BIVM: variants seen among roughly 807,000 people sequenced by gnomAD.
BIVM encodes basic, immunoglobulin-like variable motif containing, also known as basic immunoglobulin-like variable motif-containing protein.
BIVM carries 31 observed loss-of-function variants against 61.4 expected under a neutral mutation model. The ratio of observed to expected loss-of-function variants is 0.51; its 90% CI spans 0.38 to 0.68. The LOEUF is 0.68. BIVM is among the 30% of genes least tolerant of loss of function. The pLI is 0.00. For missense variants in BIVM, 526 were observed against 596.0 expected (o/e 0.88, Z 1.22); for synonymous variants, 189 against 210.7 (o/e 0.90, Z 0.89).
intron 7 of BIVM, among the ~76,000 whole-genome samples, chr13:102,824,950 A>ATTAATT (rs58236818): frequency 0.014 from 2,084 of 147,720 alleles, 30 homozygotes; most frequent in African/African-American, 0.039. Context: ...TAATTAATTA[A>ATTAATT]TTTTTTTTTT....
Position 102,807,885 on chromosome 13 carries a change from G to A in BIVM, c.478+140G>A, listed in dbSNP as rs2139151631. On this transcript the variant is annotated intron_variant, in intron 3 of 10. Coordinates refer to ENST00000257336, the MANE Select transcript of BIVM (RefSeq NM_017693.4). This position sits in a 1 kb window ranked among gnomAD's most constrained non-coding sequence, Gnocchi z 4.0. ...GGCTATCATCTTGTCTGTCAATGTA[G>A]TTTTAGGAAAGTAACCTTGACGTAG... 9.7e-7 allele frequency: 1 copy of A among 1,032,606 alleles called. No homozygotes were observed. Among genetic ancestry groups the A allele is most frequent in the Non-Finnish European group, 1.4e-6 (1 of 735,726 alleles). The allele number at this position is 1,032,606 out of a possible 1,614,324, so 64.0% of individuals were successfully genotyped here.
chr13:102,836,930 A>T (rs920813090), intron 9 of BIVM, among the ~76,000 whole-genome samples: 5 of 152,288 alleles, frequency 3.3e-5, no homozygotes, highest in African/African-American at 1.2e-4. Context: ...TTTCCATAAA[A>T]ATTTTAGAAT....
At chr13:102,810,254 C>T (rs1008174374) in intron 3 of BIVM, among the ~76,000 whole-genome samples, 1 of 152,078 alleles carries the variant, frequency 6.6e-6, no homozygotes, top group Non-Finnish European at 1.5e-5. Flanking sequence ...TATTTATAGC[C>T]ACCCCTGCTC....
chr13:102,810,121 C>T (rs1879399382), intron 3 of BIVM, among the ~76,000 whole-genome samples: 2 of 152,102 alleles, frequency 1.3e-5, no homozygotes, highest in Admixed American at 6.5e-5. Context: ...AACAATAAAT[C>T]CTCATTCCTT....
At chr13:102,827,137 T>G (rs1022927966) in intron 7 of BIVM, among the ~76,000 whole-genome samples, 6 of 152,132 alleles carry the variant, frequency 3.9e-5, no homozygotes, top group African/African-American at 1.4e-4. Context: ...CTTTTGAATA[T>G]CTGTACTTTA....
intron 7 of BIVM, among the ~76,000 whole-genome samples, chr13:102,831,241 C>T (rs1881046125): frequency 1.3e-5 from 2 of 152,148 alleles, no homozygotes; most frequent in African/African-American, 2.4e-5. Flanking sequence ...CTGTGTACAA[C>T]CAGAAAAGTT....
intron 3 of BIVM, among the ~76,000 whole-genome samples, chr13:102,808,425 A>T (rs541023940): frequency 1.3e-5 from 2 of 152,336 alleles, no homozygotes; most frequent in African/African-American, 4.8e-5. Flanking sequence ...GAAGTTGCAG[A>T]GTTAATAAGA....
chr13:102,824,162 C>T lies in BIVM; in HGVS notation c.901+2003C>T, dbSNP rs530701888. 2.6e-5 allele frequency among the ~76,000 whole-genome samples: 4 copies of T among 152,258 alleles called. No homozygotes were observed. The South Asian group carries it at 8.3e-4, about 32-fold the overall frequency. ...TAAAATGTCTGCCAATGACATTTTGCACCCTGTAAACTGAATACATAGCAG... is the reference window on the plus strand; with the variant it reads ...TAAAATGTCTGCCAATGACATTTTGTACCCTGTAAACTGAATACATAGCAG... On this transcript the variant is annotated intron_variant, in intron 7 of 10. Coordinates refer to ENST00000257336, the MANE Select transcript of BIVM (RefSeq NM_017693.4).
intron 1 of BIVM, among the ~76,000 whole-genome samples, chr13:102,802,982 T>C (rs141561145): frequency 1.8e-4 from 28 of 152,044 alleles, no homozygotes; most frequent in African/African-American, 6.8e-4. Flanking sequence ...ACCCCCAACT[T>C]TTGTGCTTAA....
intron 9 of BIVM, among the ~76,000 whole-genome samples, chr13:102,838,277 G>A (rs1404832860): frequency 6.6e-6 from 1 of 152,170 alleles, no homozygotes; most frequent in Non-Finnish European, 1.5e-5. Context: ...GCACAATTGT[G>A]TTGTCTCCTA....
chr13:102,821,864 A>G lies in BIVM; in HGVS notation c.806+17A>G. On this transcript the variant is annotated intron_variant, in intron 6 of 10. Transcript: ENST00000257336. Reference sequence around the variant, plus strand: ...ACTTATGAGGTATGAAGACCCTCTTAGAGGCAATATCGTGTTTCTAGTTTT... The same window carrying G: ...ACTTATGAGGTATGAAGACCCTCTTGGAGGCAATATCGTGTTTCTAGTTTT... The G allele has an allele frequency of 6.2e-7, 1 of 1,607,280 alleles. No homozygotes were observed. Among genetic ancestry groups the G allele is most frequent in the Non-Finnish European group, 8.5e-7 (1 of 1,177,114 alleles).
chr13:102,822,348 T>C (rs1168346051), intron 7 of BIVM, among the ~76,000 whole-genome samples, 189 bp downstream of exon 7: 1 of 152,270 alleles, frequency 6.6e-6, no homozygotes, highest in East Asian at 1.9e-4. Flanking sequence ...TTTAATATTT[T>C]ACCTCTTCTA....
At chr13:102,831,838 G>C in intron 8 of BIVM, 141 bp downstream of exon 8, 2 of 733,904 alleles carry the variant, frequency 2.7e-6, no homozygotes, top group Non-Finnish European at 3.9e-6. Flanking sequence ...GACCATCCTG[G>C]CTAACACGGT....
In BIVM at chr13:102,799,171, C is replaced by T. The variant is rs1878578506; in HGVS notation, c.-557C>T. On this transcript the variant is annotated 5_prime_UTR_variant, in exon 1 of 11. Transcript: ENST00000257336. ...TGCCAGGATTTTACCACCTCTCGCC[C>T]ATTTATTTACTTCTCGGTCACCGCT... 1 of 387,496 alleles carries T rather than the reference C, an allele frequency of 2.6e-6. No homozygotes were observed. The highest frequency in any genetic ancestry group is 4.6e-6 in the Non-Finnish European group (1 of 219,736). The allele number at this position is 387,496 out of a possible 1,614,324, so 24.0% of individuals were successfully genotyped here.
chr13:102,829,127 T>TA (rs1419986249), intron 7 of BIVM, among the ~76,000 whole-genome samples: 1 of 152,036 alleles, frequency 6.6e-6, no homozygotes, highest in African/African-American at 2.4e-5. Flanking sequence ...TTTGAAGGTG[T>TA]AAAAATATAC....
chr13:102,806,498 C>T (rs572146430), intron 2 of BIVM, among the ~76,000 whole-genome samples: 49 of 152,320 alleles, frequency 3.2e-4, no homozygotes, highest in African/African-American at 1.1e-3. Flanking sequence ...GATCCACCTG[C>T]CTTGGCCTCC....
chr13:102,839,702 A>C lies in BIVM; in HGVS notation c.1349A>C (p.Lys450Thr). Residue 450 changes from lysine to threonine, a missense_variant, in exon 11 of 11, where the codon AAA (lysine) becomes ACA (threonine). Transcript: ENST00000257336. ...QPPTHAQGIA[K>T]SESEDNISKK... ...CCAACACATGCCCAGGGAATTGCCA[A>C]ATCTGAGAGTGAAGACAATATTTCC... is the stretch of plus-strand genomic sequence containing the variant. The C allele has an allele frequency of 1.2e-6, 2 of 1,614,190 alleles. No individual in the cohort carries two copies. Among genetic ancestry groups the C allele is most frequent in the Non-Finnish European group, 1.7e-6 (2 of 1,180,028 alleles).
intron 8 of BIVM, among the ~76,000 whole-genome samples, chr13:102,831,914 A>G (rs1311591523): frequency 5.4e-5 from 8 of 149,138 alleles, no homozygotes; most frequent in South Asian, 2.1e-4. Flanking sequence ...GCGTGGTGGC[A>G]GGCGCCTGTA....
chr13:102,836,591 G>C (rs532207579), intron 9 of BIVM, among the ~76,000 whole-genome samples: 1 of 152,378 alleles, frequency 6.6e-6, no homozygotes, highest in South Asian at 2.1e-4. Context: ...CGGGATTACA[G>C]ATGTGAGCCA....
Sources: allele counts gnomAD v4.1 joint callset (sites outside exome capture counted in the v4.1 genomes callset), GRCh38; gene constraint gnomAD v4.1.1; non-coding constraint Gnocchi (gnomAD v3.1); transcripts MANE v1.5; gene names NCBI Gene and HGNC (gene_info 2026-07-23, HGNC 2026-07-21).